CORO1C: variants seen among roughly 807,000 people sequenced by gnomAD.
CORO1C encodes the protein coronin-1C.
Under a neutral mutation model 51.2 loss-of-function variants are expected in CORO1C, and 14 were observed. That is an observed-to-expected ratio of 0.27 (90% confidence interval 0.18 to 0.43). The LOEUF (loss-of-function observed/expected upper bound fraction) is 0.43, where lower values mean the gene tolerates loss of function less well. Ranked by LOEUF, CORO1C falls within the 20% of genes least tolerant of loss-of-function variation. The pLI, the probability that CORO1C is intolerant of heterozygous loss-of-function variation, is 1.00. For synonymous variants in CORO1C, 181 were observed against 210.5 expected (o/e 0.86, Z 1.21); for missense variants, 417 against 607.8 (o/e 0.69, Z 3.30).
At chr12:108,687,820 GAAA>G (rs1174220506) in intron 2 of CORO1C, among the ~76,000 whole-genome samples, 1 of 151,310 alleles carries the variant, frequency 6.6e-6, no homozygotes, top group Non-Finnish European at 1.5e-5. Flanking sequence ...ATTAAAAAAA[GAAA>G]AAAGAAGAAA....
chr12:108,655,536 C>T (rs959700094), intron 6 of CORO1C, among the ~76,000 whole-genome samples: 3 of 152,200 alleles, frequency 2.0e-5, no homozygotes, highest in African/African-American at 7.2e-5. Flanking sequence ...CGCACCGCCA[C>T]GCCTGACTGG....
At chr12:108,674,277 T>C (rs1046116097) in intron 3 of CORO1C, among the ~76,000 whole-genome samples, 4 of 152,176 alleles carry the variant, frequency 2.6e-5, no homozygotes, top group African/African-American at 9.7e-5. Flanking sequence ...TTAAAAACCT[T>C]CTGGGCTGGG....
chr12:108,692,122 G>A (rs1192083244), intron 2 of CORO1C, among the ~76,000 whole-genome samples: 1 of 151,974 alleles, frequency 6.6e-6, no homozygotes. Context: ...ACATAATTTG[G>A]AAGTCATTGT....
chr12:108,704,620 G>A (rs1036374607), intron 1 of CORO1C, among the ~76,000 whole-genome samples: 4 of 152,218 alleles, frequency 2.6e-5, no homozygotes, highest in Non-Finnish European at 4.4e-5. Context: ...CAGTGCTTCC[G>A]CAGTGCTGTG....
rs139158619 is a variant in CORO1C, at chr12:108,723,218, C to A, written c.-6+8211G>T. On this transcript the variant is annotated intron_variant, in intron 1 of 10. Coordinates refer to ENST00000261401, the MANE Select transcript of CORO1C (RefSeq NM_014325.4). Reference sequence around the variant, plus strand: ...TCCCTCTGCTTAACAGAGATGACAGCGCACTTTCACGTGTGTTCCTCAGTC... The same window carrying A: ...TCCCTCTGCTTAACAGAGATGACAGAGCACTTTCACGTGTGTTCCTCAGTC... Among the ~76,000 whole-genome samples, 540 of 152,308 alleles carry A rather than the reference C, an allele frequency of 3.5e-3. 1 individual carries two copies. The highest frequency in any genetic ancestry group is 0.012 in the African/African-American group (511 of 41,566).
chr12:108,694,376 T>C (rs1426300991), intron 2 of CORO1C, among the ~76,000 whole-genome samples: 1 of 152,146 alleles, frequency 6.6e-6, no homozygotes, highest in Non-Finnish European at 1.5e-5. Context: ...GAATGTGATT[T>C]TTCTAAAGTA....
intron 2 of CORO1C, among the ~76,000 whole-genome samples, chr12:108,690,328 T>TGTAAG (rs1266704591): frequency 6.6e-6 from 1 of 152,126 alleles, no homozygotes; most frequent in Non-Finnish European, 1.5e-5. Context: ...TGAGTTACCC[T>TGTAAG]GTAAGGTAAG....
chr12:108,675,938 G>T (rs1484098922), intron 3 of CORO1C, among the ~76,000 whole-genome samples: 1 of 152,216 alleles, frequency 6.6e-6, no homozygotes, highest in Non-Finnish European at 1.5e-5. Flanking sequence ...ACTGCAACAT[G>T]AGGGTACAAT....
chr12:108,670,049 T>TC (rs746275074), intron 3 of CORO1C, among the ~76,000 whole-genome samples: 17 of 152,232 alleles, frequency 1.1e-4, no homozygotes, highest in Middle Eastern at 3.4e-3. Context: ...GATGAGAGAA[T>TC]CTCAGTGGCA....
At chr12:108,686,525 A>C (rs1203182828) in intron 2 of CORO1C, among the ~76,000 whole-genome samples, 4 of 152,208 alleles carry the variant, frequency 2.6e-5, no homozygotes, top group Non-Finnish European at 1.5e-5. Context: ...GAATATTACT[A>C]CTTTTCTGGC....
chr12:108,699,813 C>G (rs1161450542), intron 2 of CORO1C, among the ~76,000 whole-genome samples: 1 of 152,192 alleles, frequency 6.6e-6, no homozygotes, highest in Non-Finnish European at 1.5e-5. Context: ...AAAGATTCAT[C>G]TTCGCCAATA....
At position 108,709,358 on chromosome 12, in the gene CORO1C, T is replaced by G. The variant is rs143023335; in HGVS notation, c.-5-8035A>C. Among the ~76,000 whole-genome samples, 969 of 152,206 alleles carry G rather than the reference T, an allele frequency of 6.4e-3. 6 individuals are homozygous for G. The highest frequency in any genetic ancestry group is 0.01 in the Non-Finnish European group (680 of 67,998). ...GTCCCTACTGATTATGGGCTAAAAG[T>G]AGAATTTTCATATAAAAGAACCGGC... On this transcript the variant is annotated intron_variant, in intron 1 of 10. Transcript: ENST00000261401.
At chr12:108,713,823 A>G (rs772842663) in intron 1 of CORO1C, among the ~76,000 whole-genome samples, 49 of 152,218 alleles carry the variant, frequency 3.2e-4, no homozygotes, top group Non-Finnish European at 5.6e-4. Flanking sequence ...ATCAGCCAAC[A>G]ATGGCACTTA....
chr12:108,651,811 T>C (rs903451320), intron 8 of CORO1C, among the ~76,000 whole-genome samples: 2 of 152,226 alleles, frequency 1.3e-5, no homozygotes, highest in Admixed American at 6.5e-5. Flanking sequence ...TTGGGCTTCA[T>C]AGAATTTCTT....
At chr12:108,693,581 A>G (rs1427561852) in intron 2 of CORO1C, among the ~76,000 whole-genome samples, 1 of 152,232 alleles carries the variant, frequency 6.6e-6, no homozygotes, top group Admixed American at 6.5e-5. Context: ...AGGATTTTCT[A>G]CCAAAAAGCT....
chr12:108,666,984 C>G (rs2033506456), intron 3 of CORO1C, among the ~76,000 whole-genome samples: 1 of 151,894 alleles, frequency 6.6e-6, no homozygotes, highest in Non-Finnish European at 1.5e-5. Context: ...AGCCTGTTTC[C>G]TAAGTTGTAA....
chr12:108,662,731 A>G (rs1040038497), intron 3 of CORO1C, among the ~76,000 whole-genome samples: 1 of 152,218 alleles, frequency 6.6e-6, no homozygotes, highest in Non-Finnish European at 1.5e-5. Flanking sequence ...TTTTTAAAAC[A>G]TATTTTCTAT....
intron 1 of CORO1C, chr12:108,730,816 G>A (rs1204281113): frequency 6.6e-6 from 1 of 152,000 alleles, no homozygotes; most frequent in African/African-American, 2.4e-5. Flanking sequence ...CCCCAACCGA[G>A]ATCTGCAGGG....
At chr12:108,709,068 G>A (rs2035109468) in intron 1 of CORO1C, among the ~76,000 whole-genome samples, 1 of 151,932 alleles carries the variant, frequency 6.6e-6, no homozygotes, top group African/African-American at 2.4e-5. Context: ...TTCTTTTAAG[G>A]TAATGAAAAT....
Sources: allele counts gnomAD v4.1 joint callset (sites outside exome capture counted in the v4.1 genomes callset), GRCh38; gene constraint gnomAD v4.1.1; transcripts MANE v1.5; gene names NCBI Gene and HGNC (gene_info 2026-07-23, HGNC 2026-07-21).